ARHGAP15: variants seen among roughly 807,000 people sequenced by gnomAD.
The protein encoded by ARHGAP15 is Rho GTPase activating protein 15.
A neutral mutation model predicts 63.7 loss-of-function variants in ARHGAP15; 51 were observed. The observed-to-expected ratio is 0.80, with a 90% CI of 0.64 to 1.01. The LOEUF (loss-of-function observed/expected upper bound fraction) is 1.01. Ranked by LOEUF, ARHGAP15 falls within the 50% of genes least tolerant of loss-of-function variation. The probability of loss-of-function intolerance (pLI) is 0.00; values close to 1 mark genes in which losing one functional copy is unlikely to be tolerated. For missense variants in ARHGAP15, 560 were observed against 564.6 expected, an observed-to-expected ratio of 0.99 and a Z score of 0.08; for synonymous variants, 191 against 193.8, an observed-to-expected ratio of 0.99 and a Z score of 0.12.
intron 6 of ARHGAP15, among the ~76,000 whole-genome samples, chr2:143,397,984 C>T (rs1441328686): frequency 6.6e-6 from 1 of 151,874 alleles, no homozygotes; most frequent in Non-Finnish European, 1.5e-5. Context: ...TAACTCCTCT[C>T]TGCCTTGAAA....
chr2:143,395,302 T>A (rs1687710296), intron 6 of ARHGAP15, among the ~76,000 whole-genome samples: 4 of 152,130 alleles, frequency 2.6e-5, no homozygotes, highest in Admixed American at 2.6e-4. Context: ...CAAGTGAGAA[T>A]GAGTGATGTC....
chr2:143,195,696 G>T (rs1394447432), intron 2 of ARHGAP15, among the ~76,000 whole-genome samples: 2 of 152,086 alleles, frequency 1.3e-5, no homozygotes, highest in Non-Finnish European at 2.9e-5. Flanking sequence ...GCTAATGGGA[G>T]GTACGCCTCA....
chr2:143,636,726 A>T (rs1680335929), intron 12 of ARHGAP15, among the ~76,000 whole-genome samples: 1 of 152,162 alleles, frequency 6.6e-6, no homozygotes, highest in Admixed American at 6.5e-5. Context: ...TCAATAATTT[A>T]TCATGAATCA....
intron 13 of ARHGAP15, among the ~76,000 whole-genome samples, chr2:143,747,213 G>T (rs1004942756): frequency 4.6e-5 from 7 of 151,382 alleles, no homozygotes; most frequent in Non-Finnish European, 8.8e-5. Context: ...AAACCTGCAC[G>T]CTCAGCACGT....
At chr2:143,202,376 A>G (rs1692155427) in intron 3 of ARHGAP15, among the ~76,000 whole-genome samples, 174 bp downstream of exon 3, 1 of 152,112 alleles carries the variant, frequency 6.6e-6, no homozygotes, top group Non-Finnish European at 1.5e-5. Flanking sequence ...CAACAAAAGC[A>G]TCAGCCAGAA....
At chr2:143,169,956 T>C (rs1399439993) in intron 2 of ARHGAP15, among the ~76,000 whole-genome samples, 1 of 152,040 alleles carries the variant, frequency 6.6e-6, no homozygotes, top group African/African-American at 2.4e-5. Flanking sequence ...ATCTTCATGA[T>C]GCAGATTCTA....
chr2:143,718,067 A>G (rs892693869), intron 13 of ARHGAP15, among the ~76,000 whole-genome samples: 1 of 152,126 alleles, frequency 6.6e-6, no homozygotes, highest in African/African-American at 2.4e-5. Context: ...TACTTAACAC[A>G]GGGTATCTGC....
At chr2:143,265,162 G>A (rs912504200) in intron 6 of ARHGAP15, among the ~76,000 whole-genome samples, 2 of 151,912 alleles carry the variant, frequency 1.3e-5, no homozygotes, top group African/African-American at 4.8e-5. Context: ...GGTGTTCAGA[G>A]TCTTCAAGAT....
chr2:143,625,384 G>A (rs1020672088), intron 12 of ARHGAP15, among the ~76,000 whole-genome samples: 6 of 152,028 alleles, frequency 3.9e-5, no homozygotes, highest in African/African-American at 1.4e-4. Context: ...CTGGCAAAAC[G>A]GTATCAAGAA....
intron 6 of ARHGAP15, among the ~76,000 whole-genome samples, chr2:143,252,727 T>C (rs970255352): frequency 2.0e-5 from 3 of 152,028 alleles, no homozygotes; most frequent in East Asian, 3.8e-4. Flanking sequence ...GACTAATACA[T>C]ATCCATAGAT....
intron 6 of ARHGAP15, among the ~76,000 whole-genome samples, chr2:143,291,772 C>T (rs1275620351): frequency 6.6e-6 from 1 of 152,056 alleles, no homozygotes; most frequent in Non-Finnish European, 1.5e-5. Context: ...AACCTTGCCC[C>T]TCTATATCTA....
At chr2:143,275,151 C>G (rs1390072406) in intron 6 of ARHGAP15, among the ~76,000 whole-genome samples, 1 of 152,128 alleles carries the variant, frequency 6.6e-6, no homozygotes, top group Non-Finnish European at 1.5e-5. Context: ...GAGACTCCAT[C>G]TCAAAGAAAA....
chr2:143,387,395 A>G (rs565921651), intron 6 of ARHGAP15, among the ~76,000 whole-genome samples: 1 of 152,324 alleles, frequency 6.6e-6, no homozygotes, highest in South Asian at 2.1e-4. Flanking sequence ...TTGTCATTAT[A>G]TCTTATCTTT....
chr2:143,607,555 G>C (rs1004662488), intron 11 of ARHGAP15: 7 of 151,162 alleles, frequency 4.6e-5, no homozygotes, highest in Admixed American at 1.3e-4. Flanking sequence ...CCACGAGAGA[G>C]AGAGAGAGAG....
rs1429600576 is a variant in ARHGAP15, at chr2:143,301,818, TACATATATATGGAGACA to T, written c.474+51231_474+51247del. ...ACATCCGTCTAGATATATATGTATA[TACATATATATGGAGACA>T]ACATATATATGGGGACAACATATAT... On this transcript the variant is annotated intron_variant, in intron 6 of 13. Transcript: ENST00000295095. 3.3e-4 allele frequency among the ~76,000 whole-genome samples: 50 copies of T among 151,746 alleles called. 1 individual carries two copies. Among genetic ancestry groups the T allele is most frequent in the South Asian group, 1.7e-3 (8 of 4,814 alleles).
intron 5 of ARHGAP15, chr2:143,237,653 C>T (rs886562336): frequency 1.8e-4 from 27 of 152,272 alleles, no homozygotes; most frequent in Middle Eastern, 3.4e-3. Context: ...AACAATCAGA[C>T]GCTGTGGAAC....
intron 9 of ARHGAP15, among the ~76,000 whole-genome samples, chr2:143,489,970 A>AC (rs1443263215): frequency 5.3e-5 from 8 of 152,006 alleles, no homozygotes; most frequent in African/African-American, 1.9e-4. Flanking sequence ...TTCTGCAGCG[A>AC]CATGTCAGTT....
intron 6 of ARHGAP15, among the ~76,000 whole-genome samples, chr2:143,383,237 G>A (rs1224262969): frequency 3.9e-5 from 6 of 152,108 alleles, no homozygotes. Context: ...AGGCTTCAAA[G>A]TTTTCTTCTA....
chr2:143,492,623 G>A (rs568327037), intron 9 of ARHGAP15, among the ~76,000 whole-genome samples: 9 of 152,098 alleles, frequency 5.9e-5, no homozygotes, highest in East Asian at 1.9e-4. Context: ...TTAGCCAGGC[G>A]TGGTGATGCA....
Sources: allele counts gnomAD v4.1 joint callset (sites outside exome capture counted in the v4.1 genomes callset), GRCh38; gene constraint gnomAD v4.1.1; transcripts MANE v1.5; gene names NCBI Gene and HGNC (gene_info 2026-07-23, HGNC 2026-07-21).